Variants in ZRANB1 observed in about 807,000 individuals in gnomAD.
ZRANB1 encodes zinc finger RANBP2-type containing 1.
ZRANB1 carries 16 observed loss-of-function variants against 80.5 expected under a neutral mutation model. The ratio of observed to expected loss-of-function variants is 0.20; its 90% CI spans 0.13 to 0.30. ZRANB1 has a LOEUF of 0.30. Among genes scored for constraint, ZRANB1 ranks in the 10% least tolerant of loss-of-function variants. The probability of loss-of-function intolerance (pLI) is 1.00; values close to 1 mark genes in which losing one functional copy is unlikely to be tolerated. For synonymous variants in ZRANB1, 291 were observed against 293.1 expected (o/e 0.99, Z 0.07); for missense variants, 576 against 862.6 (o/e 0.67, Z 4.16).
At chr10:124,924,253 C>T in the ZRANB1 span, among the ~76,000 whole-genome samples, 12 of 149,470 alleles carry the variant, frequency 8.0e-5, no homozygotes, top group East Asian at 1.9e-4. Flanking sequence ...TATTTGAATG[C>T]GTGATATTAA....
chr10:124,921,580 G>C, the ZRANB1 span, among the ~76,000 whole-genome samples: 16 of 152,114 alleles, frequency 1.1e-4, no homozygotes, highest in South Asian at 2.1e-4. Flanking sequence ...CTACATCTAT[G>C]TGGAAACCTG....
At chr10:124,931,146 G>T in the ZRANB1 span, among the ~76,000 whole-genome samples, 1 of 152,122 alleles carries the variant, frequency 6.6e-6, no homozygotes, top group Non-Finnish European at 1.5e-5. Context: ...TGTGATCATA[G>T]CTCACTGCAG....
chr10:124,983,117 A>C lies in ZRANB1; in HGVS notation c.1549-58A>C. ...AAGGGGAGGTAGTATTGTTTTTTAC[A>C]CATCAGTTTTCCAGGAGTGGTAATA... is the stretch of plus-strand genomic sequence containing the variant. On this transcript the variant is annotated intron_variant, in intron 6 of 8. Transcript: ENST00000359653. The surrounding 1 kb of genome is among the most constrained non-coding windows in gnomAD (Gnocchi z 6.2). The C allele has an allele frequency of 6.4e-7, 1 of 1,552,628 alleles. No homozygotes were observed.
intron 1 of ZRANB1, among the ~76,000 whole-genome samples, chr10:124,961,254 C>A (rs959303512): frequency 2.0e-5 from 3 of 152,182 alleles, no homozygotes; most frequent in African/African-American, 2.4e-5. Context: ...GTTCCACCCA[C>A]CTCGGCCTCC....
At chr10:124,975,004 C>G (rs2133988149) in intron 5 of ZRANB1, among the ~76,000 whole-genome samples, 1 of 152,300 alleles carries the variant, frequency 6.6e-6, no homozygotes, top group East Asian at 1.9e-4. Flanking sequence ...TGCCATCTTT[C>G]CCAGGGTGGC....
the ZRANB1 span, among the ~76,000 whole-genome samples, chr10:124,923,437 CAA>C: frequency 6.7e-6 from 1 of 150,032 alleles, no homozygotes; most frequent in Non-Finnish European, 1.5e-5. Flanking sequence ...ACTAAAAATT[CAA>C]AAAAATTAGC....
chr10:124,920,473 T>G, the ZRANB1 span, among the ~76,000 whole-genome samples: 28 of 152,318 alleles, frequency 1.8e-4, no homozygotes, highest in African/African-American at 6.3e-4. Context: ...TGGTGTGGTG[T>G]TCAAGTTTCT....
chr10:124,928,524 G>A, the ZRANB1 span, among the ~76,000 whole-genome samples: 1 of 152,142 alleles, frequency 6.6e-6, no homozygotes, highest in Non-Finnish European at 1.5e-5. Context: ...AATTATTTTA[G>A]TAAATTCTTT....
chr10:124,925,947 C>T, the ZRANB1 span, among the ~76,000 whole-genome samples: 2 of 152,164 alleles, frequency 1.3e-5, no homozygotes, highest in African/African-American at 2.4e-5. Flanking sequence ...GCACAGTAGG[C>T]CATGGGTTAT....
chr10:124,975,505 C>A (rs1951868804), intron 5 of ZRANB1, among the ~76,000 whole-genome samples: 1 of 152,018 alleles, frequency 6.6e-6, no homozygotes, highest in Non-Finnish European at 1.5e-5. Flanking sequence ...TCAAAGTGTT[C>A]TTTATATATA....
the ZRANB1 span, among the ~76,000 whole-genome samples, chr10:124,922,260 A>AATATATATATATAT: frequency 2.8e-4 from 30 of 105,922 alleles, no homozygotes; most frequent in African/African-American, 1.0e-3. Context: ...ATATATGTAA[A>AATATATATATATAT]ATATATATAT....
upstream of ZRANB1, chr10:124,942,107 A>T (rs1449043949): frequency 9.7e-7 from 1 of 1,029,682 alleles, no homozygotes; most frequent in Non-Finnish European, 1.2e-6. Context: ...ACTATTGGTT[A>T]CTTTTCTAAA....
the ZRANB1 span, among the ~76,000 whole-genome samples, chr10:124,936,609 G>T: frequency 6.6e-6 from 1 of 152,166 alleles, no homozygotes; most frequent in Non-Finnish European, 1.5e-5. Context: ...GGTCTAGACC[G>T]GTTGTTTTTC....
At chr10:124,982,434 G>C (rs1394774560) in intron 6 of ZRANB1, among the ~76,000 whole-genome samples, 1 of 152,206 alleles carries the variant, frequency 6.6e-6, no homozygotes, top group Non-Finnish European at 1.5e-5. Context: ...ATGAAGTTTT[G>C]CAAGTTTGCT....
At chr10:124,935,647 G>A in the ZRANB1 span, among the ~76,000 whole-genome samples, 2 of 152,214 alleles carry the variant, frequency 1.3e-5, no homozygotes, top group Admixed American at 6.5e-5. Flanking sequence ...CTGAGGTCTT[G>A]CTGCCTGTTC....
rs1951632616 is a variant in ZRANB1 at position 124,950,768 on chromosome 10, C to G, written c.814+7461C>G. ...GAGAAGAGGGGAGGATCGTTTCAGC[C>G]TAGGACTCTAAAACCAACCTGGGCA... On this transcript the variant is annotated intron_variant, in intron 1 of 8. Transcript: ENST00000359653. Among the ~76,000 whole-genome samples the G allele has an allele frequency of 2.0e-5, 3 of 152,100 alleles. No homozygotes were observed. The South Asian group carries it at 6.2e-4, about 32-fold the overall frequency.
intron 1 of ZRANB1, among the ~76,000 whole-genome samples, chr10:124,961,568 C>T (rs1232942312): frequency 6.6e-6 from 1 of 152,140 alleles, no homozygotes; most frequent in Admixed American, 6.5e-5. Flanking sequence ...TTTTTCATGA[C>T]TTTGGGGACT....
Position 124,985,174 on chromosome 10 carries a change from C to T in ZRANB1, c.*182C>T. ...ATAATGCCTCTGCTGCGTGAGGAGA[C>T]AGAGAACTTTAGTTGGACTACAGTT... is the stretch of plus-strand genomic sequence containing the variant. On this transcript the variant is annotated 3_prime_UTR_variant, in exon 9 of 9. Coordinates refer to ENST00000359653, the MANE Select transcript of ZRANB1 (RefSeq NM_017580.3). The T allele has an allele frequency of 3.8e-6, 2 of 522,900 alleles. No homozygotes were observed. The highest frequency in any genetic ancestry group is 6.7e-6 in the Non-Finnish European group (2 of 297,960). 32.4% of individuals were successfully genotyped at this position (522,900 alleles called of 1,614,324 possible).
chr10:124,955,006 G>A (rs1037616863), intron 1 of ZRANB1, among the ~76,000 whole-genome samples: 13 of 151,010 alleles, frequency 8.6e-5, no homozygotes, highest in Middle Eastern at 3.5e-3. Flanking sequence ...GCAGGCGCCC[G>A]TAGTCCCAGC....
Sources: allele counts gnomAD v4.1 joint callset (sites outside exome capture counted in the v4.1 genomes callset), GRCh38; gene constraint gnomAD v4.1.1; non-coding constraint Gnocchi (gnomAD v3.1); transcripts MANE v1.5; gene names NCBI Gene and HGNC (gene_info 2026-07-23, HGNC 2026-07-21).